The following LRRC4C variants were observed in gnomAD, a reference collection of about 807,000 sequenced individuals.
LRRC4C encodes leucine-rich repeat-containing protein 4C.
Under a neutral mutation model 33.6 loss-of-function variants are expected in LRRC4C, and 5 were observed. That is an observed-to-expected ratio of 0.15 (90% CI 0.08 to 0.31). The LOEUF is 0.31. LRRC4C is among the 10% of genes least tolerant of loss of function. The pLI, the probability that LRRC4C is intolerant of heterozygous loss-of-function variation, is 1.00. For missense variants in LRRC4C, 560 were observed against 796.7 expected, an observed-to-expected ratio of 0.70 and a Z score of 3.58; for synonymous variants, 329 against 302.0, an observed-to-expected ratio of 1.09 and a Z score of -0.93.
chr11:40,916,535 C>T (rs112941058), intron 2 of LRRC4C, among the ~76,000 whole-genome samples: 7,453 of 151,684 alleles, frequency 0.049, 338 homozygotes, highest in East Asian at 0.23. Context: ...CATCACACAG[C>T]GGGGCCTGTT....
At chr11:41,121,701 G>A (rs1353953613) in intron 1 of LRRC4C, among the ~76,000 whole-genome samples, 1 of 152,024 alleles carries the variant, frequency 6.6e-6, no homozygotes, top group African/African-American at 2.4e-5. Flanking sequence ...TCACAGGAGG[G>A]GGTTAGAACA....
chr11:40,888,529 C>T (rs1425729046), intron 2 of LRRC4C, among the ~76,000 whole-genome samples: 3 of 151,942 alleles, frequency 2.0e-5, no homozygotes, highest in Non-Finnish European at 4.4e-5. Context: ...TTGTTCTTTG[C>T]TGAAAAATGA....
intron 4 of LRRC4C, among the ~76,000 whole-genome samples, chr11:40,278,954 T>G (rs1032213945): frequency 2.6e-5 from 4 of 152,144 alleles, no homozygotes; most frequent in Admixed American, 2.6e-4. Flanking sequence ...GATCTCAGGG[T>G]GCTCACTGGG....
In LRRC4C at chr11:40,682,773, T is replaced by TAAATAAAA. The variant is rs1256333822; in HGVS notation, c.-406-34503_-406-34496dup. On this transcript the variant is annotated intron_variant, in intron 2 of 6. Transcript: ENST00000528697. ...ATAAATAAATAAATAAATAAATAAA[T>TAAATAAAA]AAATAAAATAAAGATATCTCTGTTT... 8.9e-5 allele frequency among the ~76,000 whole-genome samples: 13 copies of TAAATAAAA among 146,624 alleles called. 1 individual carries two copies. The highest frequency in any genetic ancestry group is 6.9e-3 in the Middle Eastern group (2 of 290).
intron 1 of LRRC4C, among the ~76,000 whole-genome samples, chr11:41,355,656 G>A (rs1388578726): frequency 2.0e-5 from 3 of 151,702 alleles, no homozygotes; most frequent in Non-Finnish European, 4.4e-5. Context: ...GGTGGATGGT[G>A]GTAATTTAAA....
At chr11:40,532,207 C>A (rs1185674874) in intron 3 of LRRC4C, among the ~76,000 whole-genome samples, 1 of 151,106 alleles carries the variant, frequency 6.6e-6, no homozygotes, top group African/African-American at 2.4e-5. Context: ...ATCCTAAATT[C>A]TTCATCAGTA....
At chr11:41,219,970 G>A (rs1947231553) in intron 1 of LRRC4C, among the ~76,000 whole-genome samples, 2 of 152,082 alleles carry the variant, frequency 1.3e-5, no homozygotes, top group South Asian at 4.1e-4. Context: ...GCATCATAGG[G>A]ACCTATATGT....
intron 2 of LRRC4C, among the ~76,000 whole-genome samples, chr11:40,812,657 A>G (rs930871934): frequency 2.0e-5 from 3 of 152,174 alleles, no homozygotes; most frequent in South Asian, 2.1e-4. Context: ...TGAAAATGTG[A>G]TAAGATATCA....
intron 1 of LRRC4C, among the ~76,000 whole-genome samples, chr11:41,362,367 T>C (rs989989076): frequency 2.0e-5 from 3 of 151,742 alleles, no homozygotes; most frequent in African/African-American, 7.3e-5. Flanking sequence ...AATAAGGAAA[T>C]AAAGGTAAAA....
At chr11:40,126,764 C>T (rs1856261125) in intron 6 of LRRC4C, among the ~76,000 whole-genome samples, 1 of 151,770 alleles carries the variant, frequency 6.6e-6, no homozygotes, top group South Asian at 2.1e-4. Context: ...AGTTCAAGAC[C>T]AGCCTGACCA....
intron 3 of LRRC4C, among the ~76,000 whole-genome samples, chr11:40,523,562 ATAT>A (rs1329354335): frequency 1.3e-5 from 2 of 148,810 alleles, no homozygotes; most frequent in African/African-American, 4.9e-5. Flanking sequence ...AAATTTCTAA[ATAT>A]TATGTAAAAT....
intron 6 of LRRC4C, among the ~76,000 whole-genome samples, chr11:40,119,547 A>G (rs1855676509): frequency 6.6e-6 from 1 of 152,178 alleles, no homozygotes; most frequent in Non-Finnish European, 1.5e-5. Flanking sequence ...CCTATTGCCA[A>G]CACAGTGCCT....
chr11:40,985,271 TAC>T (rs1480252524), intron 1 of LRRC4C, among the ~76,000 whole-genome samples: 1 of 152,186 alleles, frequency 6.6e-6, no homozygotes, highest in Non-Finnish European at 1.5e-5. Context: ...CATTAAAATT[TAC>T]ACAGTTATGA....
chr11:41,098,564 C>T (rs776167294), intron 1 of LRRC4C, among the ~76,000 whole-genome samples: 7 of 152,022 alleles, frequency 4.6e-5, no homozygotes, highest in African/African-American at 4.8e-5. Context: ...TATTTCAGCG[C>T]TAAGTGTTTA....
At chr11:40,569,978 G>T (rs2135557978) in intron 3 of LRRC4C, among the ~76,000 whole-genome samples, 1 of 151,382 alleles carries the variant, frequency 6.6e-6, no homozygotes, top group Non-Finnish European at 1.5e-5. Context: ...TGTACAATAT[G>T]GTAACATTGT....
chr11:40,343,443 G>A lies in LRRC4C; in HGVS notation c.-269-23722C>T, dbSNP rs138845633. 9.5e-3 allele frequency among the ~76,000 whole-genome samples: 1,445 copies of A among 152,028 alleles called. 14 individuals are homozygous for A. The highest frequency in any genetic ancestry group is 0.015 in the Non-Finnish European group (1,009 of 67,926). ...TTAGGTCATGGCAATTTGGTATACA[G>A]ATTATTCAGTCACCCATGTTATAAG... is the stretch of plus-strand genomic sequence containing the variant. On this transcript the variant is annotated intron_variant, in intron 3 of 6. Transcript: ENST00000528697.
intron 3 of LRRC4C, among the ~76,000 whole-genome samples, chr11:40,399,783 T>A (rs1477524261): frequency 6.6e-6 from 1 of 151,962 alleles, no homozygotes; most frequent in Non-Finnish European, 1.5e-5. Flanking sequence ...TTTTCAAAAG[T>A]AATATGAGTG....
chr11:41,254,745 G>C (rs1260474607), intron 1 of LRRC4C, among the ~76,000 whole-genome samples: 1 of 152,002 alleles, frequency 6.6e-6, no homozygotes, highest in Non-Finnish European at 1.5e-5. Flanking sequence ...AATTCCACCT[G>C]CTCCATGGCA....
At chr11:40,122,407 T>C (rs1855891561) in intron 6 of LRRC4C, among the ~76,000 whole-genome samples, 1 of 152,052 alleles carries the variant, frequency 6.6e-6, no homozygotes, top group African/African-American at 2.4e-5. Context: ...ATGCTCTCCC[T>C]TCCCCCACAT....
Sources: gnomAD v4.1 joint callset for allele counts (sites outside exome capture counted in the v4.1 genomes callset) on GRCh38, gnomAD v4.1.1 for gene constraint, MANE v1.5 for transcripts, NCBI Gene and HGNC (gene_info 2026-07-23, HGNC 2026-07-21) for gene names.